TRIM44: variants seen among roughly 807,000 people sequenced by gnomAD.
TRIM44 encodes tripartite motif-containing protein 44.
In TRIM44, 13 loss-of-function variants were observed where a neutral mutation model predicts 37.4. The ratio of observed to expected loss-of-function variants is 0.35; its 90% CI spans 0.23 to 0.55. The LOEUF (loss-of-function observed/expected upper bound fraction) is 0.55. Ranked by LOEUF, TRIM44 falls within the 20% of genes least tolerant of loss-of-function variation. The pLI, the probability that TRIM44 is intolerant of heterozygous loss-of-function variation, is 0.89. For missense variants in TRIM44, 426 were observed against 437.2 expected, an observed-to-expected ratio of 0.97 and a Z score of 0.23; for synonymous variants, 175 against 157.2, an observed-to-expected ratio of 1.11 and a Z score of -0.85.
intron 1 of TRIM44, among the ~76,000 whole-genome samples, chr11:35,678,332 G>C (rs925052574): frequency 6.6e-6 from 1 of 152,144 alleles, no homozygotes; most frequent in Non-Finnish European, 1.5e-5. Context: ...CATGCCAACT[G>C]GATATGGCAT....
chr11:35,767,846 G>A (rs547832251), intron 4 of TRIM44, among the ~76,000 whole-genome samples: 5 of 152,288 alleles, frequency 3.3e-5, no homozygotes, highest in African/African-American at 1.2e-4. Context: ...CTAGGACAGG[G>A]CCTAGCACAT....
intron 4 of TRIM44, among the ~76,000 whole-genome samples, chr11:35,772,065 G>A (rs1415513498): frequency 6.6e-6 from 1 of 152,212 alleles, no homozygotes; most frequent in East Asian, 1.9e-4. Context: ...AGCCATGGCT[G>A]AAAGGGGCCA....
intron 4 of TRIM44, among the ~76,000 whole-genome samples, chr11:35,760,362 G>A (rs1167107123): frequency 6.6e-6 from 1 of 152,194 alleles, no homozygotes; most frequent in African/African-American, 2.4e-5. Flanking sequence ...TATTAGGGTG[G>A]GAGTGACCTG....
chr11:35,762,116 A>G (rs1245853310), intron 4 of TRIM44, among the ~76,000 whole-genome samples: 4 of 152,206 alleles, frequency 2.6e-5, no homozygotes, highest in Non-Finnish European at 5.9e-5. Flanking sequence ...TGTCTGAGCC[A>G]GTGACCGTGC....
intron 1 of TRIM44, among the ~76,000 whole-genome samples, chr11:35,683,916 A>G (rs1484642058): frequency 3.3e-5 from 5 of 152,112 alleles, no homozygotes; most frequent in Non-Finnish European, 5.9e-5. Flanking sequence ...ACAGATAGTA[A>G]TAAAACTGTT....
At chr11:35,775,631 T>G (rs1221120882) in intron 4 of TRIM44, among the ~76,000 whole-genome samples, 1 of 152,226 alleles carries the variant, frequency 6.6e-6, no homozygotes, top group Non-Finnish European at 1.5e-5. Flanking sequence ...CTTACCATTT[T>G]GAGATACATC....
intron 2 of TRIM44, among the ~76,000 whole-genome samples, chr11:35,691,341 C>G (rs781405022): frequency 3.9e-5 from 6 of 152,196 alleles, no homozygotes; most frequent in Non-Finnish European, 8.8e-5. Context: ...CCTCCTTCAC[C>G]ATTCCCCTGG....
At position 35,704,605 on chromosome 11, in the gene TRIM44, T is replaced by C. The variant is rs535889356; in HGVS notation, c.747+19269T>C. On this transcript the variant is annotated intron_variant, in intron 2 of 4. Coordinates refer to ENST00000299413, the MANE Select transcript of TRIM44 (RefSeq NM_017583.6). ...AGCCAGAAGAGAGTGGGGGCCAATATTCAACATTCTTAAAGAAAAGAATTT... is the reference window on the plus strand; with the variant it reads ...AGCCAGAAGAGAGTGGGGGCCAATACTCAACATTCTTAAAGAAAAGAATTT... 1.1e-4 allele frequency among the ~76,000 whole-genome samples: 17 copies of C among 152,246 alleles called. No homozygotes were observed. The South Asian group carries it at 2.1e-3, about 19-fold the overall frequency.
At chr11:35,761,276 A>G (rs1459952381) in intron 4 of TRIM44, among the ~76,000 whole-genome samples, 3 of 152,164 alleles carry the variant, frequency 2.0e-5, no homozygotes, top group Non-Finnish European at 4.4e-5. Flanking sequence ...CTATTTGATA[A>G]TTATCTGTCT....
At position 35,801,184 on chromosome 11, in the gene TRIM44, C is replaced by A. The variant is rs550689068; in HGVS notation, c.1008-5174C>A. Reference sequence around the variant, plus strand: ...TCGCATATTTACTGCAACTAGGCAACCACTTCCTCAGATACTGAAAGTGTG... The same window carrying A: ...TCGCATATTTACTGCAACTAGGCAAACACTTCCTCAGATACTGAAAGTGTG... On this transcript the variant is annotated intron_variant, in intron 4 of 4. Coordinates refer to ENST00000299413, the MANE Select transcript of TRIM44 (RefSeq NM_017583.6). 1.4e-4 allele frequency among the ~76,000 whole-genome samples: 21 copies of A among 152,344 alleles called. No homozygotes were observed. The South Asian group carries it at 3.1e-3, about 23-fold the overall frequency.
At chr11:35,747,710 C>T (rs1363644789) in intron 4 of TRIM44, among the ~76,000 whole-genome samples, 1 of 152,094 alleles carries the variant, frequency 6.6e-6, no homozygotes, top group East Asian at 1.9e-4. Context: ...ACTTCTCTCC[C>T]CAGACAGGTA....
chr11:35,745,363 G>T (rs1166486116), intron 4 of TRIM44, among the ~76,000 whole-genome samples: 1 of 152,102 alleles, frequency 6.6e-6, no homozygotes, highest in African/African-American at 2.4e-5. Flanking sequence ...TTTTAATGGG[G>T]TTGTTTTTTT....
At chr11:35,699,923 C>T (rs952827870) in intron 2 of TRIM44, among the ~76,000 whole-genome samples, 32 of 152,088 alleles carry the variant, frequency 2.1e-4, no homozygotes, top group African/African-American at 5.6e-4. Context: ...AGGAGAACTA[C>T]AAACCACTGC....
chr11:35,713,825 A>G (rs1244065632), intron 2 of TRIM44, among the ~76,000 whole-genome samples: 23 of 152,150 alleles, frequency 1.5e-4, no homozygotes, highest in Admixed American at 1.4e-3. Flanking sequence ...TGAGGAGCCA[A>G]CTACGCCCAT....
At chr11:35,757,121 T>C (rs1255257938) in intron 4 of TRIM44, among the ~76,000 whole-genome samples, 1 of 152,216 alleles carries the variant, frequency 6.6e-6, no homozygotes, top group African/African-American at 2.4e-5. Flanking sequence ...CAGCTGTGAA[T>C]CCATCTGGTT....
chr11:35,742,710 CTA>C (rs1564991996), intron 4 of TRIM44, among the ~76,000 whole-genome samples: 2 of 127,878 alleles, frequency 1.6e-5, no homozygotes, highest in Non-Finnish European at 3.2e-5. Context: ...ATTATATTAA[CTA>C]TATTAAATAT....
intron 4 of TRIM44, among the ~76,000 whole-genome samples, chr11:35,791,199 C>T (rs1171734762): frequency 6.6e-6 from 1 of 152,120 alleles, no homozygotes; most frequent in African/African-American, 2.4e-5. Flanking sequence ...TAATACTCTT[C>T]CAAGCTGAGT....
At chr11:35,715,061 G>A (rs1383074645) in intron 2 of TRIM44, among the ~76,000 whole-genome samples, 1 of 152,172 alleles carries the variant, frequency 6.6e-6, no homozygotes, top group East Asian at 1.9e-4. Context: ...GCAAGCATTA[G>A]TATTGAGTCA....
intron 4 of TRIM44, among the ~76,000 whole-genome samples, chr11:35,760,184 C>G (rs191211081): frequency 2.0e-5 from 3 of 152,206 alleles, no homozygotes; most frequent in South Asian, 2.1e-4. Context: ...ACTCAAGCCT[C>G]GGTAATGGCA....
Sources: allele counts gnomAD v4.1 joint callset (sites outside exome capture counted in the v4.1 genomes callset), GRCh38; gene constraint gnomAD v4.1.1; transcripts MANE v1.5; gene names NCBI Gene and HGNC (gene_info 2026-07-23, HGNC 2026-07-21).